GNPTAB: variants seen among roughly 807,000 people sequenced by gnomAD.
GNPTAB encodes the protein N-acetylglucosamine-1-phosphate transferase subunits alpha and beta, also known as N-acetylglucosamine-1-phosphotransferase subunits alpha/beta.
A neutral mutation model predicts 136.6 loss-of-function variants in GNPTAB; 92 were observed. That is an observed-to-expected ratio of 0.67 (90% CI 0.57 to 0.80). The LOEUF is 0.80. Ranked by LOEUF, GNPTAB falls within the 30% of genes least tolerant of loss-of-function variation. GNPTAB has a pLI of 0.00. For missense variants in GNPTAB, 1,343 were observed against 1,501.8 expected (o/e 0.89, Z 1.75); for synonymous variants, 512 against 535.1 (o/e 0.96, Z 0.60).
intron 2 of GNPTAB, among the ~76,000 whole-genome samples, chr12:101,793,485 A>T (rs974916862): frequency 4.6e-5 from 7 of 152,176 alleles, no homozygotes; most frequent in African/African-American, 1.7e-4. Flanking sequence ...TTACATGATC[A>T]ATTTAACTTT....
At chr12:101,817,106 T>A (rs1255551880) in intron 1 of GNPTAB, among the ~76,000 whole-genome samples, 1 of 151,972 alleles carries the variant, frequency 6.6e-6, no homozygotes, top group Non-Finnish European at 1.5e-5. Context: ...AGTTAGATAG[T>A]CCTGGTGTTC....
intron 11 of GNPTAB, among the ~76,000 whole-genome samples, chr12:101,766,546 G>A (rs1215472042): frequency 6.6e-6 from 1 of 152,182 alleles, no homozygotes; most frequent in Non-Finnish European, 1.5e-5. Flanking sequence ...GCTGAGGCAG[G>A]AGAATTGCTT....
At chr12:101,753,880 C>T (rs375894077) in intron 18 of GNPTAB, among the ~76,000 whole-genome samples, 75 of 152,126 alleles carry the variant, frequency 4.9e-4, no homozygotes, top group Non-Finnish European at 7.1e-4. Context: ...CCAGGCATGG[C>T]GGCTCACACC....
intron 1 of GNPTAB, among the ~76,000 whole-genome samples, chr12:101,806,208 G>C (rs774644056): frequency 1.3e-5 from 2 of 152,136 alleles, no homozygotes; most frequent in African/African-American, 4.8e-5. Flanking sequence ...TATTAGTCTG[G>C]AGCTAGACAT....
intron 1 of GNPTAB, among the ~76,000 whole-genome samples, chr12:101,813,712 A>G (rs187837928): frequency 4.6e-5 from 7 of 152,326 alleles, no homozygotes; most frequent in Admixed American, 1.3e-4. Context: ...AAAATTATTG[A>G]GGACTGGCTG....
intron 2 of GNPTAB, among the ~76,000 whole-genome samples, chr12:101,794,155 T>C (rs1270462053): frequency 6.6e-6 from 1 of 152,178 alleles, no homozygotes; most frequent in East Asian, 1.9e-4. Context: ...CAATAGTATT[T>C]TAGAACCAAA....
intron 7 of GNPTAB, chr12:101,779,144 A>G (rs1416668225): frequency 6.6e-6 from 1 of 152,192 alleles, no homozygotes; most frequent in African/African-American, 2.4e-5. Context: ...CTCCCCCACC[A>G]CTACTCCATC....
At chr12:101,752,144 C>A (rs1209968444) in intron 19 of GNPTAB, among the ~76,000 whole-genome samples, 2 of 152,156 alleles carry the variant, frequency 1.3e-5, no homozygotes, top group South Asian at 2.1e-4. Context: ...AAAATTAGGG[C>A]CGGATACGGT....
rs772285705 is a variant in GNPTAB, at chr12:101,764,297, C to A, written c.2620G>T (p.Glu874Ter). ...TGCAGCTTTCTTCCAAGTAACACTT[C>A]AGTAACGCCTATGTGATTTTCAGCA... ...ENAENHIGVT[E>*]VLLGRKLQHY... Residue 874 changes from glutamate (E) to a stop codon, truncating the protein, a stop_gained, in exon 13 of 21, where the codon GAA (glutamate) becomes TAA (stop). Coordinates refer to ENST00000299314, the MANE Select transcript of GNPTAB (RefSeq NM_024312.5). LOFTEE classifies it high-confidence loss of function. 4.3e-6 allele frequency: 7 copies of A among 1,614,000 alleles called. No individual in the cohort carries two copies. Among genetic ancestry groups the A allele is most frequent in the Non-Finnish European group, 4.2e-6 (5 of 1,179,988 alleles).
Position 101,794,391 on chromosome 12 carries a change from G to C in GNPTAB, c.203+2286C>G, listed in dbSNP as rs78739035. Among the ~76,000 whole-genome samples the C allele has an allele frequency of 6.1e-3, 923 of 152,096 alleles. 36 individuals carry two copies. In the East Asian group the frequency reaches 0.13, roughly 21 times the overall value. ...TGGCCAGGTATGGTGGCTCACACCT[G>C]TAATCTTAACACTTTGGGAGGCTGA... is the stretch of plus-strand genomic sequence containing the variant. On this transcript the variant is annotated intron_variant, in intron 2 of 20. Coordinates refer to ENST00000299314, the MANE Select transcript of GNPTAB (RefSeq NM_024312.5).
intron 19 of GNPTAB, among the ~76,000 whole-genome samples, chr12:101,750,846 A>C (rs898323232): frequency 6.6e-6 from 1 of 152,094 alleles, no homozygotes; most frequent in African/African-American, 2.4e-5. Context: ...GGGTCTGCCA[A>C]TTTCCCTTTT....
chr12:101,780,968 T>C (rs1252888840), intron 5 of GNPTAB, among the ~76,000 whole-genome samples: 1 of 152,164 alleles, frequency 6.6e-6, no homozygotes, highest in African/African-American at 2.4e-5. Flanking sequence ...ATTGTTTGAC[T>C]AGAGTAAAAT....
intron 1 of GNPTAB, among the ~76,000 whole-genome samples, chr12:101,825,879 A>G (rs1871062887): frequency 6.6e-6 from 1 of 152,228 alleles, no homozygotes; most frequent in African/African-American, 2.4e-5. Flanking sequence ...CCCACAAGGC[A>G]GCTGGGAGTA....
chr12:101,826,926 C>T (rs11111048), intron 1 of GNPTAB, among the ~76,000 whole-genome samples: 3 of 135,272 alleles, frequency 2.2e-5, no homozygotes, highest in Non-Finnish European at 3.1e-5. Context: ...AGTCCCCATT[C>T]TGAAGGCTCT....
In GNPTAB at chr12:101,757,628, G is replaced by A; in HGVS notation, c.3279C>T (p.Asn1093=). 6.3e-7 allele frequency: 1 copy of A among 1,586,222 alleles called. No homozygotes were observed. The highest frequency in any genetic ancestry group is 8.7e-7 in the Non-Finnish European group (1 of 1,154,942). Residue 1093 remains asparagine (N), a synonymous_variant, in exon 17 of 21, where the codon AAC becomes AAT. Coordinates refer to ENST00000299314, the MANE Select transcript of GNPTAB (RefSeq NM_024312.5). ...GGATTTTGTCAGTTACTGGTTTACA[G>A]TTTGTTACTAGACTTTTAGTGACCG... The part of the protein sequence containing the change: ...LPPVTKSLVT[N]CKPVTDKIHK...
At position 101,753,550 on chromosome 12, in the gene GNPTAB, A is replaced by G; in HGVS notation, c.3435-11T>C. 1.9e-6 allele frequency: 3 copies of G among 1,609,642 alleles called. No homozygotes were observed. The highest frequency in any genetic ancestry group is 2.5e-6 in the Non-Finnish European group (3 of 1,176,536). ...AGGCAAACAAACTTCCTGAAATAAC[A>G]GAGAGCCAGGGTTATTAGTTACATA... On this transcript the variant is annotated splice_polypyrimidine_tract_variant and intron_variant, in intron 18 of 20. Transcript: ENST00000299314.
At chr12:101,761,860 C>G (rs1175962188) in intron 13 of GNPTAB, 97 bp from the exon 14 acceptor site, 7 of 912,502 alleles carry the variant, frequency 7.7e-6, no homozygotes, top group Non-Finnish European at 1.3e-5. Flanking sequence ...TAACTAGTCA[C>G]GAACTCTTCA....
Position 101,761,709 on chromosome 12 carries a change from C to CAAAAAT in GNPTAB, c.2769_2770insATTTTT (p.Thr923_Gly924insIlePhe). 6.2e-7 allele frequency: 1 copy of CAAAAAT among 1,613,986 alleles called. No homozygotes were observed. Among genetic ancestry groups the CAAAAAT allele is most frequent in the Non-Finnish European group, 8.5e-7 (1 of 1,179,870 alleles). On this transcript the variant is annotated inframe_insertion, in exon 14 of 21. Transcript: ENST00000299314. ...GCAAATGTATCTTTTAGTTGCCTCCCAGTATTTTTGCTATCAGTGAAGTAT... is the reference window on the plus strand; with the variant it reads ...GCAAATGTATCTTTTAGTTGCCTCCCAAAAATAGTATTTTTGCTATCAGTGAAGTAT...
intron 7 of GNPTAB, chr12:101,779,860 G>A (rs1033019940): frequency 1.4e-5 from 6 of 425,190 alleles, no homozygotes; most frequent in South Asian, 4.4e-5. Flanking sequence ...GTCTGATCTC[G>A]GAAGCTAAGC....
Sources: allele counts gnomAD v4.1 joint callset (sites outside exome capture counted in the v4.1 genomes callset), GRCh38; gene constraint gnomAD v4.1.1; transcripts MANE v1.5; gene names NCBI Gene and HGNC (gene_info 2026-07-23, HGNC 2026-07-21).